The following SKAP2 variants were observed in gnomAD, a reference collection of about 807,000 sequenced individuals.
The protein encoded by SKAP2 is src kinase associated phosphoprotein 2.
Under a neutral mutation model 54.9 loss-of-function variants are expected in SKAP2, and 28 were observed. The observed-to-expected ratio is 0.51, with a 90% CI of 0.38 to 0.70. The LOEUF is 0.70. SKAP2 is among the 30% of genes least tolerant of loss of function. The pLI, the probability that SKAP2 is intolerant of heterozygous loss-of-function variation, is 0.00. For synonymous variants in SKAP2, 137 were observed against 134.3 expected (o/e 1.02, Z -0.14); for missense variants, 356 against 424.1 (o/e 0.84, Z 1.41).
At chr7:26,704,615 A>G (rs570013474) in intron 9 of SKAP2, among the ~76,000 whole-genome samples, 3 of 152,334 alleles carry the variant, frequency 2.0e-5, no homozygotes, top group Non-Finnish European at 4.4e-5. Context: ...CATACAGACT[A>G]ATTTATGATA....
chr7:26,726,087 T>G, intron 7 of SKAP2, 101 bp from the exon 8 acceptor site: 1 of 731,942 alleles, frequency 1.4e-6, no homozygotes, highest in Admixed American at 2.7e-5. Context: ...ATTCTTTTCA[T>G]GTCTAGTGGA....
chr7:26,823,899 T>C lies in SKAP2; in HGVS notation c.307+20131A>G, dbSNP rs530420211. ...GGTGAGCAAAGAAAGTAGTTTCTTGTGATGGGATCTACTCCTGATGAAGAT... is the reference window on the plus strand; with the variant it reads ...GGTGAGCAAAGAAAGTAGTTTCTTGCGATGGGATCTACTCCTGATGAAGAT... On this transcript the variant is annotated intron_variant, in intron 4 of 12. Coordinates refer to ENST00000345317, the MANE Select transcript of SKAP2 (RefSeq NM_003930.5). Among the ~76,000 whole-genome samples, 3 of 152,332 alleles carry C rather than the reference T, an allele frequency of 2.0e-5. No individual in the cohort carries two copies. In the East Asian group the frequency reaches 5.8e-4, roughly 29 times the overall value.
At chr7:26,802,995 A>G (rs1783948300) in intron 4 of SKAP2, among the ~76,000 whole-genome samples, 1 of 152,180 alleles carries the variant, frequency 6.6e-6, no homozygotes, top group Non-Finnish European at 1.5e-5. Context: ...CTTAAATCTA[A>G]AGCCTCAAAC....
chr7:26,802,606 G>A (rs1431648387), intron 4 of SKAP2, among the ~76,000 whole-genome samples: 1 of 152,014 alleles, frequency 6.6e-6, no homozygotes, highest in Non-Finnish European at 1.5e-5. Flanking sequence ...CTTGGGGCTG[G>A]GTGCAGTAGC....
the SKAP2 span, among the ~76,000 whole-genome samples, chr7:26,657,691 A>G: frequency 2.1e-3 from 327 of 152,108 alleles, 12 homozygotes; most frequent in East Asian, 0.059. Flanking sequence ...CTGAAGCGGA[A>G]TAAGGCTGCC....
chr7:26,744,216 T>C (rs950375219), intron 4 of SKAP2, among the ~76,000 whole-genome samples: 23 of 152,072 alleles, frequency 1.5e-4, no homozygotes, highest in Non-Finnish European at 2.9e-5. Flanking sequence ...ACTTAAGAAA[T>C]AAGTTTTATC....
intron 9 of SKAP2, among the ~76,000 whole-genome samples, chr7:26,711,513 A>C (rs962999179): frequency 5.9e-5 from 9 of 152,236 alleles, no homozygotes; most frequent in African/African-American, 2.2e-4. Context: ...TTTGTCACTG[A>C]ATTAATTAAC....
intron 11 of SKAP2, among the ~76,000 whole-genome samples, chr7:26,677,166 G>C (rs1490249680): frequency 1.3e-5 from 2 of 152,134 alleles, no homozygotes; most frequent in African/African-American, 4.8e-5. Context: ...CGAGGCGGGA[G>C]GATCACCTGA....
rs561356683 is a variant in SKAP2, at chr7:26,756,646, G to A, written c.308-16682C>T. 3.0e-4 allele frequency among the ~76,000 whole-genome samples: 46 copies of A among 152,256 alleles called. 1 individual carries two copies. The South Asian group carries it at 5.6e-3, about 19-fold the overall frequency. On this transcript the variant is annotated intron_variant, in intron 4 of 12. Transcript: ENST00000345317. ...GTAGTGCCGCAATAAACATACACGT[G>A]CATGTGTCTTTATAGCAGCATGATT...
chr7:26,862,273 T>C (rs920499002), intron 1 of SKAP2, among the ~76,000 whole-genome samples: 10 of 152,084 alleles, frequency 6.6e-5, no homozygotes, highest in Admixed American at 5.9e-4. Flanking sequence ...AAAAAGATTT[T>C]AATTACAGTC....
At chr7:26,786,235 T>C (rs1035026258) in intron 4 of SKAP2, among the ~76,000 whole-genome samples, 1 of 152,176 alleles carries the variant, frequency 6.6e-6, no homozygotes, top group East Asian at 1.9e-4. Flanking sequence ...TGTAAAAAAG[T>C]TAAATTAATT....
intron 4 of SKAP2, among the ~76,000 whole-genome samples, chr7:26,818,013 C>T (rs1373181777): frequency 6.6e-6 from 1 of 152,118 alleles, no homozygotes; most frequent in Non-Finnish European, 1.5e-5. Flanking sequence ...CCATACTACC[C>T]AAAGTAATTT....
intron 4 of SKAP2, among the ~76,000 whole-genome samples, chr7:26,823,963 A>C (rs1482981882): frequency 1.3e-5 from 2 of 152,240 alleles, no homozygotes; most frequent in African/African-American, 2.4e-5. Context: ...TTAATTTGGA[A>C]TATAACATAA....
intron 4 of SKAP2, among the ~76,000 whole-genome samples, chr7:26,772,330 C>T (rs934410): frequency 0.48 from 73,153 of 151,892 alleles, 18,901 homozygotes; most frequent in African/African-American, 0.65. Context: ...TCCTCACCCA[C>T]GTAGTGAGCA....
intron 9 of SKAP2, among the ~76,000 whole-genome samples, chr7:26,716,289 T>C (rs1395106605): frequency 1.3e-5 from 2 of 152,196 alleles, no homozygotes; most frequent in Non-Finnish European, 2.9e-5. Context: ...GTTTTCGTGT[T>C]ATAGATATTA....
intron 4 of SKAP2, among the ~76,000 whole-genome samples, chr7:26,784,149 C>T (rs918412378): frequency 6.6e-5 from 10 of 151,222 alleles, no homozygotes; most frequent in African/African-American, 2.2e-4. Flanking sequence ...ATTATGTAAA[C>T]GAGTCTCATC....
At chr7:26,769,160 C>CT (rs1168426052) in intron 4 of SKAP2, among the ~76,000 whole-genome samples, 1 of 152,030 alleles carries the variant, frequency 6.6e-6, no homozygotes, top group East Asian at 1.9e-4. Flanking sequence ...CCTTTTCATT[C>CT]TTTTTTTCTC....
intron 9 of SKAP2, among the ~76,000 whole-genome samples, chr7:26,700,095 A>G (rs1331746231): frequency 4.6e-5 from 7 of 152,216 alleles, no homozygotes; most frequent in South Asian, 2.1e-4. Flanking sequence ...CCTGTATCCA[A>G]AACAATGATG....
At chr7:26,722,385 A>ATTTTTTTTTTTTT (rs35643377) in intron 9 of SKAP2, among the ~76,000 whole-genome samples, 1 of 89,056 alleles carries the variant, frequency 1.1e-5, no homozygotes, top group Non-Finnish European at 2.0e-5. Flanking sequence ...ATGCAATGCA[A>ATTTTTTTTTTTTT]TTTTTTTTTT....
Sources: allele counts gnomAD v4.1 joint callset (sites outside exome capture counted in the v4.1 genomes callset), GRCh38; gene constraint gnomAD v4.1.1; transcripts MANE v1.5; gene names NCBI Gene and HGNC (gene_info 2026-07-23, HGNC 2026-07-21).